ENOX2: variants seen among roughly 807,000 people sequenced by gnomAD.
The protein encoded by ENOX2 is APK1 antigen.
ENOX2 carries 36 observed loss-of-function variants against 45.0 expected under a neutral mutation model. That is an observed-to-expected ratio of 0.80 (90% CI 0.61 to 1.06). The LOEUF (loss-of-function observed/expected upper bound fraction) is 1.06, where lower values mean the gene tolerates loss of function less well. Among genes scored for constraint, ENOX2 ranks in the 50% least tolerant of loss-of-function variants. ENOX2 has a pLI of 0.00. For synonymous variants in ENOX2, 174 were observed against 152.3 expected (o/e 1.14, Z -1.05); for missense variants, 423 against 462.5 (o/e 0.91, Z 0.78).
chrX:130,718,148 A>G (rs1426606417), intron 3 of ENOX2, among the ~76,000 whole-genome samples: 1 of 110,849 alleles, frequency 9.0e-6, no homozygotes, highest in Non-Finnish European at 1.9e-5. Flanking sequence ...GTAGTTAGTG[A>G]TCTAGGAACA....
At chrX:130,777,636 T>C (rs1170538316) in intron 3 of ENOX2, among the ~76,000 whole-genome samples, 1 of 111,773 alleles carries the variant, frequency 8.9e-6, no homozygotes, top group Non-Finnish European at 1.9e-5. Context: ...TCCTAATGAC[T>C]TAAGTACAAT....
chrX:130,897,629 T>C (rs180898176), intron 2 of ENOX2, among the ~76,000 whole-genome samples: 368 of 112,061 alleles, frequency 3.3e-3, no homozygotes, highest in African/African-American at 0.011. Flanking sequence ...CACATCAACA[T>C]TGGCTAACAT....
chrX:130,763,374 G>C, intron 3 of ENOX2, among the ~76,000 whole-genome samples: 1 of 111,430 alleles, frequency 9.0e-6, no homozygotes, highest in Non-Finnish European at 1.9e-5. Flanking sequence ...ATGACACTTT[G>C]CAGGAGTGGT....
intron 3 of ENOX2, among the ~76,000 whole-genome samples, chrX:130,743,475 T>TC (rs1264535613): frequency 1.9e-5 from 2 of 104,215 alleles, no homozygotes; most frequent in East Asian, 5.9e-4. Context: ...TATGAGGGAT[T>TC]TTTTTTTTTT....
intron 10 of ENOX2, among the ~76,000 whole-genome samples, chrX:130,640,093 G>A (rs749743192): frequency 2.7e-5 from 3 of 111,707 alleles, no homozygotes; most frequent in East Asian, 2.8e-4. Flanking sequence ...AGGGACAAGC[G>A]GCTCTTTGGG....
At chrX:130,679,771 T>A in intron 5 of ENOX2, 23 bp from the exon 6 acceptor site, 1 of 1,124,543 alleles carries the variant, frequency 8.9e-7, no homozygotes, top group East Asian at 3.0e-5. Flanking sequence ...GGCAAAAACA[T>A]TTGAAATTAA....
rs191266903 is a variant in ENOX2 at position 130,659,695 on chromosome X, T to C, written c.1015-3000A>G. Among the ~76,000 whole-genome samples the C allele has an allele frequency of 1.6e-4, 18 of 112,477 alleles. No individual in the cohort carries two copies. In the East Asian group the frequency reaches 4.7e-3, roughly 30 times the overall value. On this transcript the variant is annotated intron_variant, in intron 9 of 14. Transcript: ENST00000394363. ...TGGCTTTCTAGTTGCCTAACAAAAA[T>C]GTAGACTATTGGAGAGTATAAGCAG...
rs781293380 is a variant in ENOX2 at position 130,752,606 on chromosome X, C to A, written c.-39+30941G>T. On this transcript the variant is annotated intron_variant, in intron 3 of 14. Transcript: ENST00000394363. ...TTTTCTGTGTCTACCTATCTCTCTG[C>A]AACAGTTTCTTTTTGCCTCTTTCTG... 2.4e-4 allele frequency among the ~76,000 whole-genome samples: 27 copies of A among 111,102 alleles called. 1 individual carries two copies. The highest frequency in any genetic ancestry group is 2.4e-3 in the Admixed American group (25 of 10,460).
At chrX:130,656,947 TATC>T (rs1252754206) in intron 9 of ENOX2, among the ~76,000 whole-genome samples, 16 of 111,802 alleles carry the variant, frequency 1.4e-4, no homozygotes, top group Admixed American at 4.8e-4. Context: ...CTTATATTCC[TATC>T]ATATTAGACA....
chrX:130,891,275 C>A (rs994904211), intron 2 of ENOX2, among the ~76,000 whole-genome samples: 2 of 109,358 alleles, frequency 1.8e-5, no homozygotes, highest in Non-Finnish European at 3.8e-5. Context: ...TCAGAAATAA[C>A]CTAATATACT....
intron 3 of ENOX2, among the ~76,000 whole-genome samples, chrX:130,704,203 A>G (rs1034115184): frequency 1.8e-5 from 2 of 112,219 alleles, no homozygotes; most frequent in African/African-American, 6.5e-5. Context: ...GGTATAGATC[A>G]GAAATGTTAC....
chrX:130,701,449 C>T (rs2037895779), intron 4 of ENOX2, among the ~76,000 whole-genome samples: 1 of 111,039 alleles, frequency 9.0e-6, no homozygotes, highest in Non-Finnish European at 1.9e-5. Context: ...ATAAAAAACT[C>T]GTTACTTCCT....
intron 3 of ENOX2, among the ~76,000 whole-genome samples, chrX:130,741,659 A>G (rs1267259047): frequency 8.9e-6 from 1 of 111,736 alleles, no homozygotes; most frequent in Non-Finnish European, 1.9e-5. Flanking sequence ...AATCCCAGGA[A>G]AGAGCAACTG....
At chrX:130,786,689 T>C (rs1187457606) in intron 2 of ENOX2, among the ~76,000 whole-genome samples, 3 of 93,010 alleles carry the variant, frequency 3.2e-5, no homozygotes, top group African/African-American at 1.2e-4. Flanking sequence ...TTACTGAGAA[T>C]GATGGTTTCC....
chrX:130,718,734 CTTCT>C (rs775262541), intron 3 of ENOX2, among the ~76,000 whole-genome samples: 3 of 111,117 alleles, frequency 2.7e-5, no homozygotes, highest in Non-Finnish European at 5.7e-5. Flanking sequence ...AAAATTAAAC[CTTCT>C]TTTCCGATGC....
chrX:130,638,606 C>T (rs750657290), intron 10 of ENOX2, among the ~76,000 whole-genome samples: 5 of 111,361 alleles, frequency 4.5e-5, no homozygotes, highest in African/African-American at 6.5e-5. Context: ...AAAAGCTGAA[C>T]AATGTGAAAA....
chrX:130,784,505 C>T (rs368435406), intron 2 of ENOX2, among the ~76,000 whole-genome samples: 1 of 110,101 alleles, frequency 9.1e-6, no homozygotes, highest in South Asian at 4.0e-4. Context: ...AAAGTTAAGA[C>T]ATCTCCTGTA....
intron 2 of ENOX2, among the ~76,000 whole-genome samples, chrX:130,807,512 C>G (rs2077323966): frequency 8.9e-6 from 1 of 111,744 alleles, no homozygotes; most frequent in African/African-American, 3.3e-5. Context: ...TGCCATTTTA[C>G]TAGAAGTCAC....
intron 2 of ENOX2, among the ~76,000 whole-genome samples, chrX:130,832,194 C>A: frequency 9.0e-6 from 1 of 110,888 alleles, no homozygotes; most frequent in South Asian, 3.8e-4. Flanking sequence ...GAAAGAGAGA[C>A]ACATTTTACT....
Sources: allele counts gnomAD v4.1 joint callset (sites outside exome capture counted in the v4.1 genomes callset), GRCh38; gene constraint gnomAD v4.1.1; transcripts MANE v1.5; gene names NCBI Gene and HGNC (gene_info 2026-07-23, HGNC 2026-07-21).